Variants in CLSTN2 observed in about 807,000 individuals in gnomAD.
The protein encoded by CLSTN2 is calsyntenin-2.
CLSTN2 carries 48 observed loss-of-function variants against 101.2 expected under a neutral mutation model. The ratio of observed to expected loss-of-function variants is 0.47; its 90% confidence interval spans 0.38 to 0.60. CLSTN2 has a LOEUF of 0.60. CLSTN2 is among the 20% of genes least tolerant of loss of function. The pLI, the probability that CLSTN2 is intolerant of heterozygous loss-of-function variation, is 0.00. For missense variants in CLSTN2, 1,160 were observed against 1,238.2 expected, an observed-to-expected ratio of 0.94 and a Z score of 0.95; for synonymous variants, 481 against 463.6, an observed-to-expected ratio of 1.04 and a Z score of -0.48.
At chr3:140,486,254 T>A (rs1246738088) in intron 8 of CLSTN2, among the ~76,000 whole-genome samples, 2 of 145,000 alleles carry the variant, frequency 1.4e-5, no homozygotes, top group Non-Finnish European at 3.0e-5. Flanking sequence ...GATATCAGAA[T>A]GAAAAACAGA....
intron 2 of CLSTN2, among the ~76,000 whole-genome samples, chr3:140,184,569 C>G (rs1172331979): frequency 1.3e-5 from 2 of 152,098 alleles, no homozygotes; most frequent in Non-Finnish European, 2.9e-5. Context: ...AGATGAGATT[C>G]TAGTAGAGAC....
chr3:139,936,791 G>C, intron 1 of CLSTN2, among the ~76,000 whole-genome samples: 2 of 152,302 alleles, frequency 1.3e-5, no homozygotes, highest in Middle Eastern at 6.8e-3. Flanking sequence ...ATGTTTATCT[G>C]TAATTTTTAA....
chr3:140,434,029 C>T (rs915737771), intron 5 of CLSTN2, among the ~76,000 whole-genome samples: 10 of 152,168 alleles, frequency 6.6e-5, no homozygotes, highest in Non-Finnish European at 1.2e-4. Flanking sequence ...CTGCATGACC[C>T]AGTGGAGGGC....
intron 8 of CLSTN2, among the ~76,000 whole-genome samples, chr3:140,500,941 C>A (rs894239831): frequency 6.6e-6 from 1 of 151,918 alleles, no homozygotes; most frequent in Non-Finnish European, 1.5e-5. Context: ...TAAATAATAC[C>A]TCAATTAACA....
Position 140,017,348 on chromosome 3 carries a change from G to C in CLSTN2, c.109+81865G>C, listed in dbSNP as rs1489624151. On this transcript the variant is annotated intron_variant, in intron 1 of 16. Transcript: ENST00000458420. Reference sequence around the variant, plus strand: ...AGGTTGGGAAGTGCTTGTCAGAAGGGTGGTCACTGAAGGGTTTTGAAAGCA... The same window carrying C: ...AGGTTGGGAAGTGCTTGTCAGAAGGCTGGTCACTGAAGGGTTTTGAAAGCA... Among the ~76,000 whole-genome samples, 4 of 152,330 alleles carry C rather than the reference G, an allele frequency of 2.6e-5. No homozygotes were observed. The East Asian group carries it at 7.7e-4, about 29-fold the overall frequency.
chr3:139,961,383 G>T (rs1193208908), intron 1 of CLSTN2, among the ~76,000 whole-genome samples: 1 of 152,128 alleles, frequency 6.6e-6, no homozygotes, highest in Non-Finnish European at 1.5e-5. Context: ...AGGTATTGTG[G>T]CAAGGTGGGA....
chr3:140,241,912 T>C (rs1329629805), intron 2 of CLSTN2, among the ~76,000 whole-genome samples: 100 of 136,094 alleles, frequency 7.3e-4, no homozygotes, highest in African/African-American at 3.0e-3. Context: ...CACATATATA[T>C]ATATATATAA....
intron 1 of CLSTN2, among the ~76,000 whole-genome samples, chr3:139,962,740 A>C (rs1935533341): frequency 6.6e-6 from 1 of 152,102 alleles, no homozygotes; most frequent in Non-Finnish European, 1.5e-5. Flanking sequence ...ATTCTTTTCT[A>C]TTGCTGAATA....
At chr3:140,051,464 T>C (rs1029376848) in intron 1 of CLSTN2, among the ~76,000 whole-genome samples, 2 of 152,144 alleles carry the variant, frequency 1.3e-5, no homozygotes, top group Admixed American at 1.3e-4. Context: ...TCTCTCTCCT[T>C]ATTCTTACCC....
At chr3:139,952,930 G>A (rs962876112) in intron 1 of CLSTN2, among the ~76,000 whole-genome samples, 1 of 152,130 alleles carries the variant, frequency 6.6e-6, no homozygotes, top group Non-Finnish European at 1.5e-5. Flanking sequence ...TTCACCAAGG[G>A]TGGTCACAAA....
intron 1 of CLSTN2, among the ~76,000 whole-genome samples, chr3:140,155,934 A>G (rs1285761981): frequency 2.1e-5 from 3 of 142,300 alleles, no homozygotes; most frequent in Non-Finnish European, 1.5e-5. Flanking sequence ...TGACATTAAT[A>G]TCCTTAGCCA....
intron 6 of CLSTN2, among the ~76,000 whole-genome samples, chr3:140,451,110 G>A (rs545809736): frequency 2.3e-4 from 35 of 152,226 alleles, no homozygotes; most frequent in African/African-American, 6.7e-4. Flanking sequence ...ATAAGTCAAC[G>A]GAACCCCAGG....
At chr3:139,963,216 G>A (rs1383598467) in intron 1 of CLSTN2, among the ~76,000 whole-genome samples, 26 of 151,952 alleles carry the variant, frequency 1.7e-4, no homozygotes, top group Non-Finnish European at 8.8e-5. Flanking sequence ...TCCCACACAG[G>A]GTTTGGAGCC....
intron 1 of CLSTN2, among the ~76,000 whole-genome samples, chr3:140,034,806 A>G (rs2007624448): frequency 6.6e-6 from 1 of 152,198 alleles, no homozygotes; most frequent in Non-Finnish European, 1.5e-5. Context: ...TACAAATGCA[A>G]ATTTCTCATC....
intron 1 of CLSTN2, among the ~76,000 whole-genome samples, chr3:140,056,130 G>A (rs535927975): frequency 6.2e-4 from 94 of 152,300 alleles, no homozygotes; most frequent in African/African-American, 2.2e-3. Context: ...CCACATTGGA[G>A]AAGTCATGTC....
intron 1 of CLSTN2, among the ~76,000 whole-genome samples, chr3:140,045,336 T>A (rs925929880): frequency 5.3e-5 from 8 of 152,162 alleles, no homozygotes; most frequent in African/African-American, 1.9e-4. Flanking sequence ...CATTCTCTGA[T>A]GGTAATCTGT....
rs568942521 is a variant in CLSTN2, at chr3:140,412,428, G to C, written c.637+7662G>C. Among the ~76,000 whole-genome samples, 79 of 152,340 alleles carry C rather than the reference G, an allele frequency of 5.2e-4. No individual in the cohort carries two copies. The Middle Eastern group carries it at 0.01, about 20-fold the overall frequency. Reference sequence around the variant, plus strand: ...TATCTGAACAGTCCATGCAGAGTATGAGGGGCAGCAGGACCAGGCAAGTAG... The same window carrying C: ...TATCTGAACAGTCCATGCAGAGTATCAGGGGCAGCAGGACCAGGCAAGTAG... On this transcript the variant is annotated intron_variant, in intron 4 of 16. Coordinates refer to ENST00000458420, the MANE Select transcript of CLSTN2 (RefSeq NM_022131.3).
At chr3:140,288,573 A>G (rs931690676) in intron 2 of CLSTN2, among the ~76,000 whole-genome samples, 1 of 152,180 alleles carries the variant, frequency 6.6e-6, no homozygotes, top group East Asian at 1.9e-4. Context: ...CCCAAGTCCA[A>G]GACATCATTT....
At chr3:140,404,856 G>A in intron 4 of CLSTN2, 90 bp downstream of exon 4, 1 of 1,090,144 alleles carries the variant, frequency 9.2e-7, no homozygotes, top group Non-Finnish European at 1.4e-6. Flanking sequence ...GAATATGCTT[G>A]GCAAGTTATG....
Sources: gnomAD v4.1 joint callset for allele counts (sites outside exome capture counted in the v4.1 genomes callset) on GRCh38, gnomAD v4.1.1 for gene constraint, MANE v1.5 for transcripts, NCBI Gene and HGNC (gene_info 2026-07-23, HGNC 2026-07-21) for gene names.